FAM174A: variants seen among roughly 807,000 people sequenced by gnomAD.
FAM174A encodes the protein membrane protein FAM174A.
A neutral mutation model predicts 14.3 loss-of-function variants in FAM174A; 14 were observed. That is an observed-to-expected ratio of 0.98 (90% CI 0.65 to 1.53). The LOEUF (loss-of-function observed/expected upper bound fraction) is 1.53. Among genes scored for constraint, FAM174A ranks in the 40% most tolerant of loss-of-function variants. The pLI is 0.00. For synonymous variants in FAM174A, 108 were observed against 111.4 expected (o/e 0.97, Z 0.19); for missense variants, 241 against 249.6 (o/e 0.97, Z 0.23).
chr5:100,555,372 A>G (rs1299631178), intron 1 of FAM174A, among the ~76,000 whole-genome samples: 1 of 152,178 alleles, frequency 6.6e-6, no homozygotes, highest in South Asian at 2.1e-4. Context: ...TATTGTGAAT[A>G]GTGTCGCAAT....
chr5:100,544,211 A>G (rs566318434), intron 1 of FAM174A, among the ~76,000 whole-genome samples: 2 of 152,266 alleles, frequency 1.3e-5, no homozygotes, highest in Admixed American at 1.3e-4. Context: ...AATGAAAAAA[A>G]GAAAAAATTA....
intron 1 of FAM174A, among the ~76,000 whole-genome samples, chr5:100,559,227 G>A (rs1011848817): frequency 1.3e-5 from 2 of 152,118 alleles, no homozygotes; most frequent in African/African-American, 4.8e-5. Flanking sequence ...GAAATTCGTG[G>A]TTGAAAATTC....
chr5:100,565,070 G>A (rs1219978109), intron 2 of FAM174A, among the ~76,000 whole-genome samples: 14 of 149,048 alleles, frequency 9.4e-5, no homozygotes, highest in Admixed American at 8.9e-4. Flanking sequence ...AAAGCAAACC[G>A]CAGGCCAATA....
intron 2 of FAM174A, among the ~76,000 whole-genome samples, chr5:100,569,090 T>A (rs1746723666): frequency 6.6e-6 from 1 of 151,912 alleles, no homozygotes; most frequent in South Asian, 2.1e-4. Context: ...TCCCACCTCA[T>A]CCTTTGAAGA....
intron 1 of FAM174A, among the ~76,000 whole-genome samples, chr5:100,543,258 C>A (rs1746098683): frequency 6.6e-6 from 1 of 151,992 alleles, no homozygotes; most frequent in African/African-American, 2.4e-5. Context: ...GGTGGGACTA[C>A]AGGCGCACGC....
At chr5:100,571,926 A>G (rs1279249587) in intron 2 of FAM174A, among the ~76,000 whole-genome samples, 1 of 151,862 alleles carries the variant, frequency 6.6e-6, no homozygotes, top group African/African-American at 2.4e-5. Flanking sequence ...TATTAGCCAC[A>G]TATTTTGTAA....
Position 100,586,223 on chromosome 5 carries a change from A to G in FAM174A, c.*39A>G, listed in dbSNP as rs753851897. Reference sequence around the variant, plus strand: ...GATGAAAGAACTTTATCTTTCTACAATGAAGAGTGGAATTTCTATGTTTAA... The same window carrying G: ...GATGAAAGAACTTTATCTTTCTACAGTGAAGAGTGGAATTTCTATGTTTAA... On this transcript the variant is annotated 3_prime_UTR_variant, in exon 3 of 3. Coordinates refer to ENST00000312637, the MANE Select transcript of FAM174A (RefSeq NM_198507.3). 3.6e-6 allele frequency: 5 copies of G among 1,402,264 alleles called. No individual in the cohort carries two copies. Among genetic ancestry groups the G allele is most frequent in the South Asian group, 1.3e-5 (1 of 75,464 alleles). The allele number at this position is 1,402,264 out of a possible 1,614,324, so 86.9% of individuals were successfully genotyped here.
At chr5:100,579,936 A>G (rs565159315) in intron 2 of FAM174A, among the ~76,000 whole-genome samples, 1 of 152,184 alleles carries the variant, frequency 6.6e-6, no homozygotes, top group Non-Finnish European at 1.5e-5. Flanking sequence ...CATGTATGGG[A>G]TTCATGTCAT....
At chr5:100,577,163 C>T (rs1306538241) in intron 2 of FAM174A, among the ~76,000 whole-genome samples, 1 of 151,940 alleles carries the variant, frequency 6.6e-6, no homozygotes, top group East Asian at 1.9e-4. Flanking sequence ...ATCAAGATAT[C>T]ACAAGTACCT....
intron 2 of FAM174A, among the ~76,000 whole-genome samples, chr5:100,583,335 A>G (rs938199380): frequency 2.6e-5 from 4 of 152,148 alleles, no homozygotes; most frequent in African/African-American, 9.7e-5. Context: ...TTTCTCTAAA[A>G]CTGTTTCTAT....
At chr5:100,540,453 G>C (rs915657314) in intron 1 of FAM174A, among the ~76,000 whole-genome samples, 1 of 152,072 alleles carries the variant, frequency 6.6e-6, no homozygotes, top group African/African-American at 2.4e-5. Flanking sequence ...TTCCTAACAT[G>C]TGTAAATTGT....
intron 1 of FAM174A, among the ~76,000 whole-genome samples, chr5:100,540,086 A>G (rs1746018962): frequency 6.6e-6 from 1 of 152,188 alleles, no homozygotes; most frequent in South Asian, 2.1e-4. Flanking sequence ...TTTCCACCTT[A>G]GTGGAGCAAG....
chr5:100,559,814 C>CTTCT (rs1746486078), intron 1 of FAM174A, among the ~76,000 whole-genome samples: 2 of 151,996 alleles, frequency 1.3e-5, no homozygotes, highest in Admixed American at 6.6e-5. Context: ...CCTTTAAGGA[C>CTTCT]TTCTTTGCAT....
intron 2 of FAM174A, among the ~76,000 whole-genome samples, chr5:100,573,709 G>A (rs1580376653): frequency 6.7e-6 from 1 of 149,610 alleles, no homozygotes. Flanking sequence ...TTTCTTCACA[G>A]AACTGGAAAA....
At chr5:100,544,640 G>T (rs914004581) in intron 1 of FAM174A, among the ~76,000 whole-genome samples, 2 of 152,146 alleles carry the variant, frequency 1.3e-5, no homozygotes, top group African/African-American at 4.8e-5. Flanking sequence ...CCATACTGGA[G>T]CCTCATGATA....
At chr5:100,574,397 A>G in intron 2 of FAM174A, among the ~76,000 whole-genome samples, 1 of 152,030 alleles carries the variant, frequency 6.6e-6, no homozygotes, top group Admixed American at 6.6e-5. Context: ...CTTGTTGGCC[A>G]GGCTGGTCTC....
intron 1 of FAM174A, among the ~76,000 whole-genome samples, chr5:100,537,356 G>T (rs752546179): frequency 6.6e-6 from 1 of 151,722 alleles, no homozygotes; most frequent in African/African-American, 2.4e-5. Flanking sequence ...TTCTTTTTAC[G>T]TTTTTTTCTT....
At chr5:100,568,150 T>C (rs1433511695) in intron 2 of FAM174A, among the ~76,000 whole-genome samples, 1 of 152,006 alleles carries the variant, frequency 6.6e-6, no homozygotes, top group African/African-American at 2.4e-5. Flanking sequence ...TATGTAATGA[T>C]GATTTTCTCT....
At position 100,557,174 on chromosome 5, in the gene FAM174A, G is replaced by A. The variant is rs544758964; in HGVS notation, c.435-4880G>A. On this transcript the variant is annotated intron_variant, in intron 1 of 2. Transcript: ENST00000312637. The stretch of plus-strand genomic sequence containing the variant: ...TGAAGCGTTGTTGAATTTTGTCAAA[G>A]GCCTTTTCTGCATCTATTGAGATAA... Among the ~76,000 whole-genome samples, 917 of 152,214 alleles carry A rather than the reference G, an allele frequency of 6.0e-3. 6 individuals are homozygous for A. Among genetic ancestry groups the A allele is most frequent in the South Asian group, 0.014 (66 of 4,828 alleles).
Sources: allele counts gnomAD v4.1 joint callset (sites outside exome capture counted in the v4.1 genomes callset), GRCh38; gene constraint gnomAD v4.1.1; transcripts MANE v1.5; gene names NCBI Gene and HGNC (gene_info 2026-07-23, HGNC 2026-07-21).